The following RAB3GAP1 variants were observed in gnomAD, a reference collection of about 807,000 sequenced individuals.
The protein encoded by RAB3GAP1 is rab3 GTPase-activating protein catalytic subunit.
A neutral mutation model predicts 130.7 loss-of-function variants in RAB3GAP1; 86 were observed. The observed-to-expected ratio is 0.66, with a 90% CI of 0.55 to 0.79. RAB3GAP1 has a LOEUF of 0.79. Among genes scored for constraint, RAB3GAP1 ranks in the 30% least tolerant of loss-of-function variants. RAB3GAP1 has a pLI of 0.00. For missense variants in RAB3GAP1, 1,029 were observed against 1,169.4 expected (o/e 0.88, Z 1.75); for synonymous variants, 367 against 401.7 (o/e 0.91, Z 1.03).
At chr2:135,154,115 A>C (rs572850257) in intron 19 of RAB3GAP1, among the ~76,000 whole-genome samples, 17 of 152,352 alleles carry the variant, frequency 1.1e-4, no homozygotes, top group Middle Eastern at 3.4e-3. Flanking sequence ...CTCACAGTAT[A>C]TGTTAAAAGT....
At chr2:135,091,156 T>G in intron 4 of RAB3GAP1, 26 bp downstream of exon 4, 1 of 1,530,692 alleles carries the variant, frequency 6.5e-7, no homozygotes, top group Non-Finnish European at 9.0e-7. Flanking sequence ...ATAATAATAT[T>G]AACTTCTGAT....
At chr2:135,159,702 T>C (rs191592517) in intron 19 of RAB3GAP1, among the ~76,000 whole-genome samples, 2 of 152,362 alleles carry the variant, frequency 1.3e-5, no homozygotes, top group East Asian at 3.9e-4. Context: ...CTGACAGCAT[T>C]ATTCATGACA....
intron 3 of RAB3GAP1, among the ~76,000 whole-genome samples, chr2:135,082,171 A>G (rs1053344996): frequency 1.3e-5 from 2 of 152,118 alleles, no homozygotes; most frequent in Non-Finnish European, 2.9e-5. Flanking sequence ...GAATAAATAA[A>G]TAAAGATTTT....
At chr2:135,112,463 A>G (rs560284151) in intron 5 of RAB3GAP1, among the ~76,000 whole-genome samples, 7 of 152,198 alleles carry the variant, frequency 4.6e-5, no homozygotes, top group Non-Finnish European at 1.0e-4. Flanking sequence ...CAATGAAGGC[A>G]AGGTCACGGC....
intron 3 of RAB3GAP1, among the ~76,000 whole-genome samples, chr2:135,077,449 T>G (rs533092518): frequency 6.6e-6 from 1 of 152,320 alleles, no homozygotes; most frequent in East Asian, 1.9e-4. Context: ...CCCAGCATTT[T>G]GGGAGGCCCA....
At chr2:135,078,745 C>G (rs1689703077) in intron 3 of RAB3GAP1, among the ~76,000 whole-genome samples, 2 of 141,640 alleles carry the variant, frequency 1.4e-5, no homozygotes, top group Admixed American at 7.3e-5. Context: ...TGCTGTGTTG[C>G]CCAGGTTGGA....
intron 17 of RAB3GAP1, among the ~76,000 whole-genome samples, chr2:135,144,114 G>C (rs1691927979): frequency 6.6e-6 from 1 of 152,182 alleles, no homozygotes; most frequent in South Asian, 2.1e-4. Context: ...TCTCAGCTGG[G>C]CTGAGCATGC....
intron 13 of RAB3GAP1, among the ~76,000 whole-genome samples, chr2:135,131,708 T>C (rs1037670304): frequency 7.9e-5 from 12 of 152,334 alleles, no homozygotes; most frequent in African/African-American, 2.9e-4. Context: ...TGCATGACTT[T>C]GAATAAGTCA....
At chr2:135,081,137 C>T (rs1333920789) in intron 3 of RAB3GAP1, among the ~76,000 whole-genome samples, 1 of 150,574 alleles carries the variant, frequency 6.6e-6, no homozygotes, top group Non-Finnish European at 1.5e-5. Context: ...GAGAAGAATT[C>T]CTTAAAATAG....
In RAB3GAP1 at chr2:135,135,740, C is replaced by A; in HGVS notation, c.1731C>A (p.Ser577=). 6.2e-7 allele frequency: 1 copy of A among 1,613,900 alleles called. No individual in the cohort carries two copies. Among genetic ancestry groups the A allele is most frequent in the Non-Finnish European group, 8.5e-7 (1 of 1,179,926 alleles). ...GAGAGGTAGGAAAATCTTGGGATTC[C>A]TGGAGTGACAGCGAAGAAGAATTTT... ...EKGEVGKSWD[S]WSDSEEEFFE... Residue 577 remains serine (S), a synonymous_variant, in exon 17 of 24, where the codon TCC becomes TCA. Transcript: ENST00000264158.
intron 3 of RAB3GAP1, among the ~76,000 whole-genome samples, chr2:135,072,447 T>A (rs1203051500): frequency 1.3e-5 from 2 of 152,246 alleles, no homozygotes; most frequent in Non-Finnish European, 2.9e-5. Flanking sequence ...GTGTGACTTT[T>A]TGTCCTTATT....
intron 3 of RAB3GAP1, among the ~76,000 whole-genome samples, chr2:135,083,630 AT>A (rs201120356): frequency 3.1e-3 from 434 of 141,434 alleles, no homozygotes; most frequent in African/African-American, 7.2e-3. Context: ...TTAAAAAAAA[AT>A]TTTTTTTTTT....
At position 135,169,694 on chromosome 2, in the gene RAB3GAP1, G is replaced by A. The variant is rs1440571267; in HGVS notation, c.*913G>A. 4 of 455,742 alleles carry A rather than the reference G, an allele frequency of 8.8e-6. No individual in the cohort carries two copies. The highest frequency in any genetic ancestry group is 2.4e-5 in the Admixed American group (1 of 42,532). 28.2% of individuals were successfully genotyped at this position (455,742 alleles called of 1,614,324 possible). On this transcript the variant is annotated 3_prime_UTR_variant, in exon 24 of 24. Coordinates refer to ENST00000264158, the MANE Select transcript of RAB3GAP1 (RefSeq NM_012233.3). ...GGTATATGTGCTAATGCATTGAGTA[G>A]AGGATTATTTTAACACACTATTTTG...
At chr2:135,130,469 T>C in intron 12 of RAB3GAP1, 83 bp from the exon 13 acceptor site, 1 of 1,154,678 alleles carries the variant, frequency 8.7e-7, no homozygotes. Flanking sequence ...AGTAAAATAT[T>C]CTATATAATC....
In RAB3GAP1 at chr2:135,162,661, A is replaced by T. The variant is rs374563780; in HGVS notation, c.2386+10A>T. ...AAGGTAAAGGAAGAAGGTAAATGTCATATTTAACTAGTCATTAGTCATTTC... is the reference window on the plus strand; with the variant it reads ...AAGGTAAAGGAAGAAGGTAAATGTCTTATTTAACTAGTCATTAGTCATTTC... On this transcript the variant is annotated intron_variant, in intron 20 of 23. Coordinates refer to ENST00000264158, the MANE Select transcript of RAB3GAP1 (RefSeq NM_012233.3). The T allele has an allele frequency of 6.2e-7, 1 of 1,610,426 alleles. No homozygotes were observed. Among genetic ancestry groups the T allele is most frequent in the East Asian group, 2.2e-5 (1 of 44,880 alleles).
At position 135,169,036 on chromosome 2, in the gene RAB3GAP1, TGG is replaced by T; in HGVS notation, c.*260_*261del. 1 of 110,438 alleles carries T rather than the reference TGG, an allele frequency of 9.1e-6. No individual in the cohort carries two copies. Among genetic ancestry groups the T allele is most frequent in the Non-Finnish European group, 2.0e-5 (1 of 51,190 alleles). The allele number at this position is 110,438 out of a possible 1,614,324, so 6.8% of individuals were successfully genotyped here. Reference sequence around the variant, plus strand: ...ATGGCCTTTGTATATGGGGGGGTGGTGGGGGGACACAAACACATCAGACACTC... The same window carrying T: ...ATGGCCTTTGTATATGGGGGGGTGGTGGGGACACAAACACATCAGACACTC... On this transcript the variant is annotated 3_prime_UTR_variant, in exon 24 of 24. Transcript: ENST00000264158.
intron 18 of RAB3GAP1, 45 bp from the exon 19 acceptor site, chr2:135,153,604 G>T: frequency 1.3e-6 from 2 of 1,574,100 alleles, no homozygotes; most frequent in East Asian, 4.5e-5. Flanking sequence ...ATCAGTAACT[G>T]TTGATTTTCA....
At chr2:135,100,204 C>T (rs1017382645) in intron 5 of RAB3GAP1, among the ~76,000 whole-genome samples, 3 of 152,148 alleles carry the variant, frequency 2.0e-5, no homozygotes, top group African/African-American at 7.2e-5. Flanking sequence ...TATTGTCAGA[C>T]GTAAACAGAC....
At position 135,052,619 on chromosome 2, in the gene RAB3GAP1, C is replaced by G. The variant is rs559497238; in HGVS notation, c.74+134C>G. On this transcript the variant is annotated intron_variant, in intron 2 of 23. Transcript: ENST00000264158. ...AATACCGTGGGTCCCGGGTCTCCTC[C>G]CCCAGTCTTCTTTGGTCAACCGCAA... The G allele has an allele frequency of 1.8e-4, 184 of 1,039,994 alleles. No individual in the cohort carries two copies. The African/African-American group carries it at 2.6e-3, about 15-fold the overall frequency. The allele number at this position is 1,039,994 out of a possible 1,614,324, so 64.4% of individuals were successfully genotyped here. A position where few individuals can be genotyped will look rare whatever the true frequency, so the allele number is the denominator to read the frequency against.
Sources: gnomAD v4.1 joint callset for allele counts (sites outside exome capture counted in the v4.1 genomes callset) on GRCh38, gnomAD v4.1.1 for gene constraint, MANE v1.5 for transcripts, NCBI Gene and HGNC (gene_info 2026-07-23, HGNC 2026-07-21) for gene names.